Variants in CCDC178 observed in about 807,000 individuals in gnomAD.
CCDC178 encodes the protein coiled-coil domain-containing protein 178.
A neutral mutation model predicts 117.4 loss-of-function variants in CCDC178; 126 were observed. The observed-to-expected ratio is 1.07, with a 90% CI of 0.93 to 1.24. CCDC178 has a LOEUF of 1.24. CCDC178 is among the 50% of genes most tolerant of loss of function. The pLI, the probability that CCDC178 is intolerant of heterozygous loss-of-function variation, is 0.00. For missense variants in CCDC178, 1,030 were observed against 986.9 expected, an observed-to-expected ratio of 1.04 and a Z score of -0.59; for synonymous variants, 283 against 313.4, an observed-to-expected ratio of 0.90 and a Z score of 1.02.
At chr18:32,967,033 C>T (rs988292405) in intron 22 of CCDC178, among the ~76,000 whole-genome samples, 2 of 151,780 alleles carry the variant, frequency 1.3e-5, no homozygotes, top group Middle Eastern at 3.4e-3. Flanking sequence ...TTATCAAGTA[C>T]ATTTTATGAA....
At chr18:33,321,291 G>C (rs2062505316) in intron 11 of CCDC178, among the ~76,000 whole-genome samples, 1 of 152,182 alleles carries the variant, frequency 6.6e-6, no homozygotes, top group South Asian at 2.1e-4. Flanking sequence ...ACTACCATCA[G>C]AGTGAACAGG....
At chr18:33,427,970 T>C (rs564637763) in intron 2 of CCDC178, among the ~76,000 whole-genome samples, 30 of 152,356 alleles carry the variant, frequency 2.0e-4, no homozygotes, top group African/African-American at 7.0e-4. Flanking sequence ...ATAAAGTACT[T>C]ACATCATTTA....
At chr18:33,362,648 C>T (rs1374275788) in intron 6 of CCDC178, among the ~76,000 whole-genome samples, 1 of 151,836 alleles carries the variant, frequency 6.6e-6, no homozygotes, top group Non-Finnish European at 1.5e-5. Context: ...TACTACTATA[C>T]CATCTATATG....
intron 5 of CCDC178, among the ~76,000 whole-genome samples, chr18:33,378,052 C>A (rs1159356457): frequency 6.6e-6 from 1 of 152,188 alleles, no homozygotes; most frequent in Admixed American, 6.5e-5. Flanking sequence ...GCCATTTAAT[C>A]GGCATTGATT....
intron 5 of CCDC178, among the ~76,000 whole-genome samples, chr18:33,383,002 G>C (rs1375180466): frequency 6.6e-6 from 1 of 152,128 alleles, no homozygotes; most frequent in Non-Finnish European, 1.5e-5. Context: ...GCAGGGGGAG[G>C]GGATAGCGGG....
At chr18:32,962,125 G>A (rs1314086363) in intron 22 of CCDC178, among the ~76,000 whole-genome samples, 1 of 151,444 alleles carries the variant, frequency 6.6e-6, no homozygotes, top group Admixed American at 6.6e-5. Flanking sequence ...TAGTCTCCAT[G>A]AGTCAATATC....
At position 33,173,276 on chromosome 18, in the gene CCDC178, C is replaced by T. The variant is rs71363408; in HGVS notation, c.2238+38620G>A. On this transcript the variant is annotated intron_variant, in intron 20 of 22. Coordinates refer to ENST00000383096, the MANE Select transcript of CCDC178 (RefSeq NM_001105528.4). ...TGTTGTCCAGGCCAGTTTCAAACTCCGGAGCTCAAGTGATCTGCCTGCCTC... is the reference window on the plus strand; with the variant it reads ...TGTTGTCCAGGCCAGTTTCAAACTCTGGAGCTCAAGTGATCTGCCTGCCTC... Among the ~76,000 whole-genome samples, 1,321 of 152,152 alleles carry T rather than the reference C, an allele frequency of 8.7e-3. 7 individuals are homozygous for T. The highest frequency in any genetic ancestry group is 0.015 in the Non-Finnish European group (1,036 of 68,010).
chr18:33,385,081 A>G (rs1375039315), intron 5 of CCDC178, among the ~76,000 whole-genome samples: 1 of 152,202 alleles, frequency 6.6e-6, no homozygotes, highest in Non-Finnish European at 1.5e-5. Context: ...TTCTGAAAAA[A>G]TAGACTTTAA....
chr18:33,073,452 G>C (rs148615826), intron 21 of CCDC178, among the ~76,000 whole-genome samples: 1 of 152,080 alleles, frequency 6.6e-6, no homozygotes, highest in East Asian at 1.9e-4. Context: ...CTGTATTACT[G>C]TATATTGAAT....
intron 5 of CCDC178, among the ~76,000 whole-genome samples, chr18:33,373,980 C>A (rs2063332903): frequency 6.6e-6 from 1 of 152,040 alleles, no homozygotes. Context: ...GAAAAATGGG[C>A]AGTTCAAGGT....
At chr18:32,983,550 T>A (rs1440593546) in intron 21 of CCDC178, among the ~76,000 whole-genome samples, 2 of 152,066 alleles carry the variant, frequency 1.3e-5, no homozygotes, top group Non-Finnish European at 2.9e-5. Context: ...TAAAATCATA[T>A]TTAAAGCTTT....
chr18:33,126,366 T>C (rs1397547378), intron 20 of CCDC178, among the ~76,000 whole-genome samples: 7 of 148,966 alleles, frequency 4.7e-5, no homozygotes, highest in African/African-American at 1.7e-4. Context: ...AATTAGTATA[T>C]GTATGTATGT....
At chr18:33,380,463 C>T (rs1212036444) in intron 5 of CCDC178, among the ~76,000 whole-genome samples, 1 of 152,120 alleles carries the variant, frequency 6.6e-6, no homozygotes, top group Non-Finnish European at 1.5e-5. Context: ...TAAGAAAGTA[C>T]CTGTAGCTTT....
intron 20 of CCDC178, among the ~76,000 whole-genome samples, chr18:33,191,617 T>C (rs2058859055): frequency 6.6e-6 from 1 of 152,178 alleles, no homozygotes; most frequent in Non-Finnish European, 1.5e-5. Flanking sequence ...CGATTGGAGT[T>C]TTCACAGATA....
At chr18:33,402,637 A>C (rs9966055) in intron 3 of CCDC178, among the ~76,000 whole-genome samples, 2,430 of 152,340 alleles carry the variant, frequency 0.016, 60 homozygotes, top group African/African-American at 0.055. Flanking sequence ...TCTTCTAGAG[A>C]TATCTTACAT....
chr18:33,181,939 C>T (rs2058737103), intron 20 of CCDC178, among the ~76,000 whole-genome samples: 3 of 151,616 alleles, frequency 2.0e-5, no homozygotes, highest in African/African-American at 4.8e-5. Context: ...AACACCATAC[C>T]GTGTAATAAG....
At chr18:33,010,043 C>T (rs1377729015) in intron 21 of CCDC178, among the ~76,000 whole-genome samples, 1 of 152,160 alleles carries the variant, frequency 6.6e-6, no homozygotes, top group East Asian at 1.9e-4. Context: ...TCCTACCTCA[C>T]ACCGTCAAAG....
intron 5 of CCDC178, among the ~76,000 whole-genome samples, chr18:33,383,169 G>A (rs541631337): frequency 3.0e-4 from 45 of 152,286 alleles, no homozygotes; most frequent in African/African-American, 1.1e-3. Context: ...GGCATGGACA[G>A]GGCCTCTCTG....
At chr18:33,370,819 C>A (rs1197069427) in intron 5 of CCDC178, among the ~76,000 whole-genome samples, 1 of 151,968 alleles carries the variant, frequency 6.6e-6, no homozygotes, top group African/African-American at 2.4e-5. Context: ...CCACTCAGTC[C>A]GATGTGCCTC....
Sources: gnomAD v4.1 joint callset for allele counts (sites outside exome capture counted in the v4.1 genomes callset) on GRCh38, gnomAD v4.1.1 for gene constraint, MANE v1.5 for transcripts, NCBI Gene and HGNC (gene_info 2026-07-23, HGNC 2026-07-21) for gene names.